ARHGEF26: variants seen among roughly 807,000 people sequenced by gnomAD.
ARHGEF26 encodes Rho guanine nucleotide exchange factor 26, also known as Rho guanine nucleotide exchange factor (GEF) 26.
A neutral mutation model predicts 89.4 loss-of-function variants in ARHGEF26; 59 were observed. The ratio of observed to expected loss-of-function variants is 0.66; its 90% CI spans 0.54 to 0.82. The LOEUF (loss-of-function observed/expected upper bound fraction) is 0.82, where lower values mean the gene tolerates loss of function less well. Among genes scored for constraint, ARHGEF26 ranks in the 40% least tolerant of loss-of-function variants. ARHGEF26 has a pLI of 0.00. For missense variants in ARHGEF26, 1,234 were observed against 1,085.6 expected (o/e 1.14, Z -1.92); for synonymous variants, 500 against 428.4 (o/e 1.17, Z -2.06).
rs186816650 is a variant in ARHGEF26 at position 154,255,854 on chromosome 3, G to A, written c.*381G>A. On this transcript the variant is annotated 3_prime_UTR_variant, in exon 15 of 15. Coordinates refer to ENST00000465093, the MANE Select transcript of ARHGEF26 (RefSeq NM_015595.4). ...TGACTGTCTCTCTTTATACATCCTT[G>A]TATGGTTCTCCCAGTATTAGCAAGA... is the stretch of plus-strand genomic sequence containing the variant. 1.6e-4 allele frequency: 158 copies of A among 1,009,858 alleles called. No individual in the cohort carries two copies. The African/African-American group carries it at 2.5e-3, about 16-fold the overall frequency. 62.6% of individuals were successfully genotyped at this position (1,009,858 alleles called of 1,614,324 possible).
intron 10 of ARHGEF26, among the ~76,000 whole-genome samples, chr3:154,219,787 A>G (rs952967566): frequency 3.4e-4 from 51 of 151,780 alleles, no homozygotes; most frequent in African/African-American, 1.2e-3. Context: ...GGTGGCGGGC[A>G]CCTGTAGTCC....
chr3:154,179,751 A>G (rs1293399477), intron 6 of ARHGEF26, among the ~76,000 whole-genome samples: 2 of 152,220 alleles, frequency 1.3e-5, no homozygotes, highest in Non-Finnish European at 2.9e-5. Context: ...AGGGACCCGT[A>G]TGCAGATACT....
intron 4 of ARHGEF26, among the ~76,000 whole-genome samples, chr3:154,146,915 A>G (rs1342200218): frequency 1.3e-5 from 2 of 152,224 alleles, no homozygotes; most frequent in East Asian, 3.9e-4. Flanking sequence ...CATTAAATCC[A>G]GTTCTTACTG....
At chr3:154,232,266 TTCCTGGCCCTTTTC>T (rs1458885351) in intron 11 of ARHGEF26, among the ~76,000 whole-genome samples, 1 of 152,222 alleles carries the variant, frequency 6.6e-6, no homozygotes, top group Non-Finnish European at 1.5e-5. Context: ...GGGATGGGGC[TTCCTGGCCCTTTTC>T]TGGGTCACTG....
intron 10 of ARHGEF26, among the ~76,000 whole-genome samples, chr3:154,219,500 C>A (rs890568809): frequency 6.6e-6 from 1 of 151,314 alleles, no homozygotes; most frequent in Admixed American, 6.6e-5. Flanking sequence ...GAAGCTGAGG[C>A]AGGAGAATTG....
intron 4 of ARHGEF26, among the ~76,000 whole-genome samples, chr3:154,130,656 T>C (rs1718631851): frequency 6.6e-6 from 1 of 152,206 alleles, no homozygotes; most frequent in Non-Finnish European, 1.5e-5. Context: ...AGTTTGATGC[T>C]TAGTTTACTT....
chr3:154,181,169 C>T (rs1213429561), intron 6 of ARHGEF26, among the ~76,000 whole-genome samples: 5 of 152,118 alleles, frequency 3.3e-5, no homozygotes, highest in Non-Finnish European at 7.4e-5. Context: ...TCTTACTTAC[C>T]GGCAGCAGAA....
intron 11 of ARHGEF26, among the ~76,000 whole-genome samples, chr3:154,238,518 G>A (rs1717259621): frequency 6.6e-6 from 1 of 152,148 alleles, no homozygotes; most frequent in Admixed American, 6.5e-5. Flanking sequence ...TCCATTCTGA[G>A]GAAAATAAAT....
chr3:154,244,243 GAT>G (rs1717656473), intron 12 of ARHGEF26, among the ~76,000 whole-genome samples: 1 of 152,124 alleles, frequency 6.6e-6, no homozygotes, highest in African/African-American at 2.4e-5. Context: ...GCCACCTGAG[GAT>G]ATACAACATG....
intron 9 of ARHGEF26, among the ~76,000 whole-genome samples, chr3:154,208,238 C>T (rs561218283): frequency 6.6e-6 from 1 of 152,180 alleles, no homozygotes; most frequent in South Asian, 2.1e-4. Flanking sequence ...GCATACATAC[C>T]CCTGAAGCTA....
chr3:154,224,571 C>T (rs1159669197), intron 10 of ARHGEF26, among the ~76,000 whole-genome samples: 1 of 152,150 alleles, frequency 6.6e-6, no homozygotes, highest in Non-Finnish European at 1.5e-5. Flanking sequence ...GCCCTTCAGC[C>T]GGACCTACCC....
intron 6 of ARHGEF26, among the ~76,000 whole-genome samples, chr3:154,162,176 A>G (rs1711705924): frequency 6.6e-6 from 1 of 152,186 alleles, no homozygotes; most frequent in African/African-American, 2.4e-5. Context: ...ATTTTGAACC[A>G]TTACATGGAT....
chr3:154,170,734 A>G (rs552652290), intron 6 of ARHGEF26, among the ~76,000 whole-genome samples: 48 of 152,340 alleles, frequency 3.2e-4, no homozygotes, highest in African/African-American at 1.1e-3. Flanking sequence ...AGCTCCTGGT[A>G]TACAGTTAGT....
intron 7 of ARHGEF26, among the ~76,000 whole-genome samples, chr3:154,190,669 G>C (rs1275376421): frequency 2.0e-5 from 3 of 152,206 alleles, no homozygotes; most frequent in Non-Finnish European, 4.4e-5. Context: ...CCACATGAAA[G>C]AATGTATGTC....
chr3:154,211,363 C>T (rs952659981), intron 9 of ARHGEF26, among the ~76,000 whole-genome samples: 7 of 152,116 alleles, frequency 4.6e-5, no homozygotes, highest in African/African-American at 1.7e-4. Context: ...GATTTAAATG[C>T]TCCCTCCATG....
intron 4 of ARHGEF26, among the ~76,000 whole-genome samples, chr3:154,134,568 A>C (rs1718890508): frequency 6.6e-6 from 1 of 152,306 alleles, no homozygotes; most frequent in African/African-American, 2.4e-5. Flanking sequence ...GTGGGAATTC[A>C]ATATGAGATT....
chr3:154,254,989 C>T (rs917495127), intron 14 of ARHGEF26, among the ~76,000 whole-genome samples, 165 bp downstream of exon 14: 1 of 152,072 alleles, frequency 6.6e-6, no homozygotes, highest in Non-Finnish European at 1.5e-5. Flanking sequence ...TAAACCATGA[C>T]GTTTTCTTTT....
intron 9 of ARHGEF26, among the ~76,000 whole-genome samples, chr3:154,208,555 C>T (rs1715172250): frequency 6.6e-6 from 1 of 152,034 alleles, no homozygotes; most frequent in Admixed American, 6.5e-5. Flanking sequence ...TCTACCTCTT[C>T]TTTAAGCCCA....
At chr3:154,160,126 T>A (rs78452902) in intron 6 of ARHGEF26, among the ~76,000 whole-genome samples, 9,543 of 152,186 alleles carry the variant, frequency 0.063, 850 homozygotes, top group African/African-American at 0.19. Flanking sequence ...ACTCTTTATG[T>A]CACTTTTTGA....
Sources: allele counts gnomAD v4.1 joint callset (sites outside exome capture counted in the v4.1 genomes callset), GRCh38; gene constraint gnomAD v4.1.1; transcripts MANE v1.5; gene names NCBI Gene and HGNC (gene_info 2026-07-23, HGNC 2026-07-21).